The following RALGAPA2 variants were observed in gnomAD, a reference collection of about 807,000 sequenced individuals.
RALGAPA2 encodes the protein ral GTPase-activating protein subunit alpha-2.
A neutral mutation model predicts 230.4 loss-of-function variants in RALGAPA2; 139 were observed. The ratio of observed to expected loss-of-function variants is 0.60; its 90% CI spans 0.53 to 0.69. The LOEUF is 0.69. RALGAPA2 is among the 30% of genes least tolerant of loss of function. RALGAPA2 has a pLI of 0.00. For synonymous variants in RALGAPA2, 847 were observed against 837.8 expected, an observed-to-expected ratio of 1.01 and a Z score of -0.19; for missense variants, 2,163 against 2,276.0, an observed-to-expected ratio of 0.95 and a Z score of 1.01.
chr20:20,629,339 A>G, intron 10 of RALGAPA2, 24 bp downstream of exon 10: 1 of 1,506,610 alleles, frequency 6.6e-7, no homozygotes, highest in Non-Finnish European at 9.1e-7. Flanking sequence ...ACACACACAC[A>G]CACACACACA....
At chr20:20,553,297 A>G (rs1403901947) in intron 23 of RALGAPA2, among the ~76,000 whole-genome samples, 1 of 152,204 alleles carries the variant, frequency 6.6e-6, no homozygotes, top group Non-Finnish European at 1.5e-5. Flanking sequence ...CATACCTATA[A>G]TTCTAGCACT....
At chr20:20,432,594 T>G (rs2060523778) in intron 37 of RALGAPA2, among the ~76,000 whole-genome samples, 1 of 152,198 alleles carries the variant, frequency 6.6e-6, no homozygotes, top group Non-Finnish European at 1.5e-5. Flanking sequence ...TTAGAACATC[T>G]TGATGTAAAG....
chr20:20,687,751 AC>A (rs1306836477), intron 1 of RALGAPA2, among the ~76,000 whole-genome samples: 1 of 152,192 alleles, frequency 6.6e-6, no homozygotes, highest in Admixed American at 6.5e-5. Flanking sequence ...AGAAGAAGAA[AC>A]TCAGTACAGA....
chr20:20,619,404 T>G lies in RALGAPA2; in HGVS notation c.1412A>C (p.Glu471Ala), dbSNP rs1254519469. The part of the protein sequence containing the change: ...SETDSKEASS[E>A]SSGHKRSSSW... ...GGAAGATCGTTTATGACCAGAACTTTCAGATGAGGCCTTCAGAAGATAATG... is the reference window on the plus strand; with the variant it reads ...GGAAGATCGTTTATGACCAGAACTTGCAGATGAGGCCTTCAGAAGATAATG... The change falls in exon 12 of 40, where the codon GAA (glutamate) becomes GCA (alanine). Residue 471 changes from glutamate (E) to alanine (A), a missense_variant. Coordinates refer to ENST00000202677, the MANE Select transcript of RALGAPA2 (RefSeq NM_020343.4). 3 of 1,600,148 alleles carry G rather than the reference T, an allele frequency of 1.9e-6. No homozygotes were observed. The highest frequency in any genetic ancestry group is 2.6e-6 in the Non-Finnish European group (3 of 1,171,544).
At chr20:20,528,250 T>G (rs1459661091) in intron 27 of RALGAPA2, among the ~76,000 whole-genome samples, 1 of 152,200 alleles carries the variant, frequency 6.6e-6, no homozygotes, top group Non-Finnish European at 1.5e-5. Context: ...TTCTCCAGCA[T>G]ATAGTCATAG....
chr20:20,488,922 C>A (rs1013356599), intron 36 of RALGAPA2, among the ~76,000 whole-genome samples: 3 of 152,176 alleles, frequency 2.0e-5, no homozygotes, highest in Admixed American at 2.0e-4. Context: ...CTCCTGTTCC[C>A]AAGGGACTAA....
At chr20:20,402,011 C>T (rs1157064760) in intron 38 of RALGAPA2, among the ~76,000 whole-genome samples, 1 of 152,220 alleles carries the variant, frequency 6.6e-6, no homozygotes, top group Non-Finnish European at 1.5e-5. Flanking sequence ...AGAAGGGCTC[C>T]TCTCCCCCAC....
Position 20,453,811 on chromosome 20 carries a change from G to A in RALGAPA2, c.5495+19018C>T, listed in dbSNP as rs547134584. 5.3e-5 allele frequency among the ~76,000 whole-genome samples: 8 copies of A among 152,328 alleles called. No homozygotes were observed. The East Asian group carries it at 1.2e-3, about 22-fold the overall frequency. ...AGTGCCTGGCATACAGGAAATGGCC[G>A]ATGGGTATTTTGTTGAATGAATGAG... On this transcript the variant is annotated intron_variant, in intron 37 of 39. Coordinates refer to ENST00000202677, the MANE Select transcript of RALGAPA2 (RefSeq NM_020343.4).
chr20:20,438,400 C>T (rs1318454974), intron 37 of RALGAPA2, among the ~76,000 whole-genome samples: 2 of 152,208 alleles, frequency 1.3e-5, no homozygotes, highest in African/African-American at 2.4e-5. Context: ...CTCTGGAATC[C>T]TATATGCTTT....
intron 1 of RALGAPA2, among the ~76,000 whole-genome samples, chr20:20,681,054 C>T (rs2068502160): frequency 6.6e-6 from 1 of 152,148 alleles, no homozygotes; most frequent in African/African-American, 2.4e-5. Flanking sequence ...CTGACAGGAG[C>T]CAGCAACAAC....
At chr20:20,693,020 A>G (rs953304066) in intron 1 of RALGAPA2, among the ~76,000 whole-genome samples, 2 of 152,368 alleles carry the variant, frequency 1.3e-5, no homozygotes, top group Admixed American at 1.3e-4. Flanking sequence ...GTCAACTGAA[A>G]TGATCACAGA....
In RALGAPA2 at chr20:20,390,006, G is replaced by A. The variant is rs2059578843; in HGVS notation, c.*3283C>T. 6.6e-6 allele frequency: 1 copy of A among 152,140 alleles called. No individual in the cohort carries two copies. The highest frequency in any genetic ancestry group is 1.5e-5 in the Non-Finnish European group (1 of 68,034). 9.4% of individuals were successfully genotyped at this position (152,140 alleles called of 1,614,324 possible). ...TGGACAGACTGAGTGCAACTAAAACGATGGTTGTTTCATGTTGAATTTCCC... is the reference window on the plus strand; with the variant it reads ...TGGACAGACTGAGTGCAACTAAAACAATGGTTGTTTCATGTTGAATTTCCC... On this transcript the variant is annotated 3_prime_UTR_variant, in exon 40 of 40. Transcript: ENST00000202677.
chr20:20,660,043 G>A (rs1019523764), intron 3 of RALGAPA2: 8 of 175,508 alleles, frequency 4.6e-5, no homozygotes, highest in African/African-American at 1.7e-4. Flanking sequence ...CCAGAAGTTC[G>A]AGACCAGCCT....
At chr20:20,428,794 A>G (rs2060444021) in intron 37 of RALGAPA2, among the ~76,000 whole-genome samples, 1 of 127,304 alleles carries the variant, frequency 7.9e-6, no homozygotes, top group African/African-American at 3.0e-5. Flanking sequence ...CTACTCACCA[A>G]CCCTTCCATC....
chr20:20,490,861 AACACACACACACACACACAC>A (rs34230105), intron 36 of RALGAPA2, among the ~76,000 whole-genome samples: 1 of 142,212 alleles, frequency 7.0e-6, no homozygotes, highest in African/African-American at 2.6e-5. Flanking sequence ...AACACACATG[AACACACACACACACACACAC>A]ACACACACAC....
chr20:20,639,407 G>A (rs1203876287), intron 7 of RALGAPA2, among the ~76,000 whole-genome samples: 1 of 152,226 alleles, frequency 6.6e-6, no homozygotes, highest in Admixed American at 6.5e-5. Flanking sequence ...AAGGAGGCCT[G>A]TGCCAATGGC....
chr20:20,596,521 G>A (rs370038817), intron 16 of RALGAPA2, among the ~76,000 whole-genome samples: 3 of 152,160 alleles, frequency 2.0e-5, no homozygotes, highest in Admixed American at 2.0e-4. Context: ...GTGCCAACCA[G>A]TGGAGAATAT....
intron 37 of RALGAPA2, among the ~76,000 whole-genome samples, chr20:20,414,976 A>G (rs2060137566): frequency 6.6e-6 from 1 of 152,260 alleles, no homozygotes; most frequent in Non-Finnish European, 1.5e-5. Context: ...GCATGTAAAC[A>G]CCCTGACAAA....
intron 5 of RALGAPA2, among the ~76,000 whole-genome samples, chr20:20,642,377 AT>A (rs1488379888): frequency 2.0e-5 from 3 of 151,794 alleles, no homozygotes; most frequent in Non-Finnish European, 4.4e-5. Context: ...TGCCCGGCTA[AT>A]TTTTGTATTT....
Sources: gnomAD v4.1 joint callset for allele counts (sites outside exome capture counted in the v4.1 genomes callset) on GRCh38, gnomAD v4.1.1 for gene constraint, MANE v1.5 for transcripts, NCBI Gene and HGNC (gene_info 2026-07-23, HGNC 2026-07-21) for gene names.